ANKRD30B: variants seen among roughly 807,000 people sequenced by gnomAD.
ANKRD30B encodes ankyrin repeat domain 30B, also known as ankyrin repeat domain-containing protein 30B.
In ANKRD30B, 144 loss-of-function variants were observed where a neutral mutation model predicts 202.2. The ratio of observed to expected loss-of-function variants is 0.71; its 90% CI spans 0.62 to 0.82. The LOEUF is 0.82. ANKRD30B is among the 40% of genes least tolerant of loss of function. The pLI is 0.00. For missense variants in ANKRD30B, 1,487 were observed against 1,669.1 expected, an observed-to-expected ratio of 0.89 and a Z score of 1.90; for synonymous variants, 508 against 561.3, an observed-to-expected ratio of 0.91 and a Z score of 1.34.
intron 33 of ANKRD30B, among the ~76,000 whole-genome samples, chr18:14,828,633 C>G (rs978303122): frequency 1.3e-5 from 2 of 152,172 alleles, no homozygotes; most frequent in African/African-American, 4.8e-5. Flanking sequence ...TGATGGAGAC[C>G]TGTGGATCAC....
intron 8 of ANKRD30B, among the ~76,000 whole-genome samples, chr18:14,770,724 T>C (rs1966938670): frequency 6.6e-6 from 1 of 151,930 alleles, no homozygotes; most frequent in Non-Finnish European, 1.5e-5. Context: ...AAGAGCATAC[T>C]AAAATAGGGT....
chr18:14,842,782 A>G (rs1971470644), intron 37 of ANKRD30B, 115 bp from the exon 38 acceptor site: 2 of 1,015,938 alleles, frequency 2.0e-6, no homozygotes, highest in Non-Finnish European at 2.9e-6. Flanking sequence ...CCCTAAACCT[A>G]AAGGAATCAT....
Position 14,754,984 on chromosome 18 carries a change from A to C in ANKRD30B, c.596A>C (p.Asn199Thr). Reference sequence around the variant, plus strand: ...TTACTAACAAAAAATGCAAATGCAAACGCATTTAATGAGTCTAAATGGTAT... The same window carrying C: ...TTACTAACAAAAAATGCAAATGCAACCGCATTTAATGAGTCTAAATGGTAT... Reference protein sequence around the residue: ...EFLLTKNANANAFNESKCTAL... With the variant: ...EFLLTKNANATAFNESKCTAL... Residue 199 changes from asparagine to threonine, a missense_variant, in exon 4 of 44, where the codon AAC becomes ACC. By Grantham distance (65) the Asn-to-Thr change is moderately conservative. Around this residue, in one of 6 missense-constraint regions of ANKRD30B, gnomAD observed 889 missense variants for 841.4 expected, o/e 1.06. Coordinates refer to ENST00000690538, the MANE Select transcript of ANKRD30B (RefSeq NM_001367607.2). 1.3e-6 allele frequency: 2 copies of C among 1,540,392 alleles called. No homozygotes were observed. Among genetic ancestry groups the C allele is most frequent in the Non-Finnish European group, 1.8e-6 (2 of 1,142,044 alleles).
At chr18:14,939,893 T>G in the ANKRD30B span, among the ~76,000 whole-genome samples, 1 of 152,256 alleles carries the variant, frequency 6.6e-6, no homozygotes, top group Non-Finnish European at 1.5e-5. Flanking sequence ...ATGCTGGGAC[T>G]GTGCAGTGTT....
At chr18:14,901,721 G>C in the ANKRD30B span, among the ~76,000 whole-genome samples, 1 of 152,028 alleles carries the variant, frequency 6.6e-6, no homozygotes, top group East Asian at 1.9e-4. Context: ...TATATTATTA[G>C]CATAACTTCA....
chr18:14,903,284 C>T, the ANKRD30B span, among the ~76,000 whole-genome samples: 1 of 152,142 alleles, frequency 6.6e-6, no homozygotes, highest in Non-Finnish European at 1.5e-5. Flanking sequence ...TTAATAGGTG[C>T]CTGGGGGAGA....
At chr18:14,800,033 C>G (rs537885551) in intron 22 of ANKRD30B, among the ~76,000 whole-genome samples, 1 of 151,706 alleles carries the variant, frequency 6.6e-6, no homozygotes, top group Non-Finnish European at 1.5e-5. Context: ...GAGTCGCAGA[C>G]GAGCCTGGTC....
At chr18:14,805,525 A>C (rs374124763) in intron 24 of ANKRD30B, among the ~76,000 whole-genome samples, 1 of 150,380 alleles carries the variant, frequency 6.6e-6, no homozygotes, top group African/African-American at 2.5e-5. Context: ...ATTTATATTT[A>C]GTATTATGCT....
rs774040196 is a variant in ANKRD30B at position 14,752,892 on chromosome 18, T to A, written c.390T>A (p.Ala130=). The change falls in exon 3 of 44, where the codon GCT becomes GCA. Residue 130 remains alanine, a synonymous_variant. Coordinates refer to ENST00000690538, the MANE Select transcript of ANKRD30B (RefSeq NM_001367607.2). ...CAAATATTCTCATAGATGCTGGTGC[T>A]GATCTAAATTATGTAGATGTGTATG... ...ACANILIDAG[A]DLNYVDVYGN... is the part of the protein sequence containing the mutation. 6.2e-7 allele frequency: 1 copy of A among 1,607,878 alleles called. No homozygotes were observed. The highest frequency in any genetic ancestry group is 1.7e-5 in the Admixed American group (1 of 59,454).
chr18:14,821,763 T>C (rs1970435013), intron 30 of ANKRD30B, among the ~76,000 whole-genome samples: 1 of 152,216 alleles, frequency 6.6e-6, no homozygotes, highest in Admixed American at 6.5e-5. Context: ...TGGACTGTAT[T>C]AGTTTGTTGA....
intron 32 of ANKRD30B, 29 bp downstream of exon 32, chr18:14,822,706 G>T (rs1427768960): frequency 1.1e-5 from 12 of 1,099,582 alleles, no homozygotes; most frequent in Non-Finnish European, 1.4e-5. Context: ...ATTTTACTGT[G>T]GAATTAAGAA....
At chr18:14,852,473 T>G (rs1329026695) in intron 42 of ANKRD30B, 53 bp downstream of exon 42, 27 of 1,491,238 alleles carry the variant, frequency 1.8e-5, no homozygotes, top group Non-Finnish European at 2.2e-5. Context: ...GAAAGTGGCC[T>G]TGGCTAAATG....
the ANKRD30B span, among the ~76,000 whole-genome samples, chr18:14,861,713 TA>T: frequency 1.0e-3 from 155 of 151,552 alleles, no homozygotes; most frequent in Non-Finnish European, 1.8e-3. Context: ...GTAAGCAGAT[TA>T]GTTAGGCAGA....
downstream of ANKRD30B, among the ~76,000 whole-genome samples, chr18:14,855,818 G>A (rs1423102010): frequency 1.7e-4 from 25 of 148,694 alleles, no homozygotes; most frequent in South Asian, 2.2e-4. Flanking sequence ...TTTCCCAGAC[G>A]GGGTGGCCAG....
intron 20 of ANKRD30B, 118 bp downstream of exon 20, chr18:14,797,972 A>G (rs1164574145): frequency 5.6e-5 from 55 of 987,368 alleles, no homozygotes; most frequent in Middle Eastern, 3.3e-4. Context: ...AAAATTTGAT[A>G]CAAATAATGC....
At chr18:14,757,995 G>T in intron 5 of ANKRD30B, 43 bp downstream of exon 5, 4 of 1,528,096 alleles carry the variant, frequency 2.6e-6, no homozygotes, top group Non-Finnish European at 3.5e-6. Context: ...TTTATTGTTT[G>T]TTTCAGGGAG....
chr18:14,793,331 A>G (rs553522045), intron 16 of ANKRD30B, among the ~76,000 whole-genome samples: 29 of 152,284 alleles, frequency 1.9e-4, no homozygotes, highest in Admixed American at 7.8e-4. Context: ...AGAACATGAT[A>G]AATATTTGTA....
the ANKRD30B span, among the ~76,000 whole-genome samples, chr18:14,877,011 T>A: frequency 6.6e-6 from 1 of 152,214 alleles, no homozygotes; most frequent in Non-Finnish European, 1.5e-5. Flanking sequence ...ATGTTTATGA[T>A]GTTTCTGTAT....
the ANKRD30B span, among the ~76,000 whole-genome samples, chr18:14,873,904 C>T: frequency 6.6e-6 from 1 of 152,118 alleles, no homozygotes; most frequent in African/African-American, 2.4e-5. Context: ...GGAGATGTAC[C>T]TCCCTCCCTT....
Sources: allele counts gnomAD v4.1 joint callset (sites outside exome capture counted in the v4.1 genomes callset), GRCh38; gene constraint gnomAD v4.1.1; regional missense constraint gnomAD v4.1.1; transcripts MANE v1.5; gene names NCBI Gene and HGNC (gene_info 2026-07-23, HGNC 2026-07-21).